CDHR1: variants seen among roughly 807,000 people sequenced by gnomAD.
The protein encoded by CDHR1 is cadherin related family member 1.
Under a neutral mutation model 72.1 loss-of-function variants are expected in CDHR1, and 61 were observed. The observed-to-expected ratio is 0.85, with a 90% confidence interval of 0.69 to 1.05. The LOEUF (loss-of-function observed/expected upper bound fraction) is 1.05, where lower values mean the gene tolerates loss of function less well. Among genes scored for constraint, CDHR1 ranks in the 50% least tolerant of loss-of-function variants. The pLI, the probability that CDHR1 is intolerant of heterozygous loss-of-function variation, is 0.00. For synonymous variants in CDHR1, 470 were observed against 448.1 expected, an observed-to-expected ratio of 1.05 and a Z score of -0.62; for missense variants, 1,186 against 1,115.7, an observed-to-expected ratio of 1.06 and a Z score of -0.90.
At position 84,214,657 on chromosome 10, in the gene CDHR1, C is replaced by G. The variant is rs768404778; in HGVS notation, c.*36C>G. 9.4e-6 allele frequency: 15 copies of G among 1,599,082 alleles called. No individual in the cohort carries two copies. The highest frequency in any genetic ancestry group is 4.5e-5 in the East Asian group (2 of 44,868). On this transcript the variant is annotated 3_prime_UTR_variant, in exon 17 of 17. Coordinates refer to ENST00000623527, the MANE Select transcript of CDHR1 (RefSeq NM_033100.4). ...ATGACCCCCCATCTTTCCTCCGCCCCTGACCCCCACCACCCTGCTGCTCGG... is the reference window on the plus strand; with the variant it reads ...ATGACCCCCCATCTTTCCTCCGCCCGTGACCCCCACCACCCTGCTGCTCGG...
At chr10:84,199,185 T>G in intron 5 of CDHR1, 64 bp downstream of exon 5, 1 of 1,382,192 alleles carries the variant, frequency 7.2e-7, no homozygotes, top group Admixed American at 2.0e-5. Context: ...CCCCTGGGGC[T>G]GCCCTGTGGC....
At chr10:84,197,302 C>T (rs35412535) in intron 3 of CDHR1, among the ~76,000 whole-genome samples, 37,344 of 151,954 alleles carry the variant, frequency 0.25, 5,782 homozygotes, top group Non-Finnish European at 0.35. Flanking sequence ...CTGGCACCCG[C>T]GGGATCTGGC....
At chr10:84,213,062 C>A in intron 15 of CDHR1, 29 bp from the exon 16 acceptor site, 1 of 1,614,178 alleles carries the variant, frequency 6.2e-7, no homozygotes. Context: ...CCCCAAAGCC[C>A]AGCTCTGTCT....
intron 16 of CDHR1, 109 bp downstream of exon 16, chr10:84,213,457 C>T (rs1181020225): frequency 8.2e-6 from 12 of 1,456,222 alleles, no homozygotes; most frequent in Non-Finnish European, 1.1e-5. Context: ...CCAAAAGACA[C>T]TCAACGTTAT....
Position 84,212,308 on chromosome 10 carries a change from G to A in CDHR1, c.1683G>A (p.Glu561=). Residue 561 remains glutamate (E), a synonymous_variant, in exon 15 of 17, where the codon GAG becomes GAA. Transcript: ENST00000623527. ...EDMEGKYSVA[E]VFITLLDVND... ...TGGAAGGCAAGTACAGCGTAGCTGA[G>A]GTGTTTATCACACTGCTGGATGTCA... 6.2e-7 allele frequency: 1 copy of A among 1,614,214 alleles called. No individual in the cohort carries two copies. The highest frequency in any genetic ancestry group is 8.5e-7 in the Non-Finnish European group (1 of 1,180,044).
chr10:84,195,454 C>T, intron 1 of CDHR1, 40 bp from the exon 2 acceptor site: 2 of 1,574,002 alleles, frequency 1.3e-6, no homozygotes, highest in Non-Finnish European at 1.7e-6. Context: ...TCTGGGTGTC[C>T]TTTGCCTGGG....
Position 84,196,644 on chromosome 10 carries a change from C to A in CDHR1, c.291C>A (p.Asp97Glu). Residue 97 changes from aspartate to glutamate, a missense_variant, in exon 3 of 17, where the codon GAC (aspartate) becomes GAA (glutamate). Physicochemically the swap from Asp to Glu is conservative, Grantham distance 45 (BLOSUM62 2). Transcript: ENST00000623527. ...FGNITLVEEL[D>E]REREDEIEAI... The stretch of plus-strand genomic sequence containing the variant: ...ACATCACCCTGGTTGAAGAGCTGGA[C>A]AGAGAGGTATGGGGAGGTGTGGGGA... 1 of 1,614,172 alleles carries A rather than the reference C, an allele frequency of 6.2e-7. No homozygotes were observed. Among genetic ancestry groups the A allele is most frequent in the Non-Finnish European group, 8.5e-7 (1 of 1,180,034 alleles).
At chr10:84,219,390 C>T, downstream of CDHR1, 1 of 1,443,480 alleles carries the variant, frequency 6.9e-7, no homozygotes, top group Non-Finnish European at 9.1e-7. Context: ...CTGGCTCTCC[C>T]CTGCACTGCT....
rs1368132524 is a variant in CDHR1, at chr10:84,216,945, C to T, written c.*2324C>T. The T allele has an allele frequency of 1.0e-6, 1 of 985,364 alleles. No homozygotes were observed. Among genetic ancestry groups the T allele is most frequent in the African/African-American group, 1.7e-5 (1 of 57,236 alleles). 61.0% of individuals were successfully genotyped at this position (985,364 alleles called of 1,614,324 possible). A position where few individuals can be genotyped will look rare whatever the true frequency, so the allele number is the denominator to read the frequency against. On this transcript the variant is annotated 3_prime_UTR_variant, in exon 17 of 17. Transcript: ENST00000623527. ...GTCCTAAAGACCTCTAGGCTGGAAGCTTGGGCTTGCAAGTGGATCCGGGAC... is the reference window on the plus strand; with the variant it reads ...GTCCTAAAGACCTCTAGGCTGGAAGTTTGGGCTTGCAAGTGGATCCGGGAC...
At chr10:84,208,521 C>T (rs935651582) in intron 11 of CDHR1, 144 bp downstream of exon 11, 30 of 1,071,310 alleles carry the variant, frequency 2.8e-5, no homozygotes, top group Non-Finnish European at 3.8e-5. Context: ...GAAGTTGTAA[C>T]CAAGGGGGAG....
rs200640039 is a variant in CDHR1 at position 84,204,566 on chromosome 10, C to G, written c.823C>G (p.Arg275Gly). 2 of 1,613,624 alleles carry G rather than the reference C, an allele frequency of 1.2e-6. No homozygotes were observed. Among genetic ancestry groups the G allele is most frequent in the Non-Finnish European group, 1.7e-6 (2 of 1,179,716 alleles). The change falls in exon 9 of 17, where the codon CGG becomes GGG. Residue 275 changes from arginine to glycine, a missense_variant. By Grantham distance (125) the Arg-to-Gly change is moderately radical. Coordinates refer to ENST00000623527, the MANE Select transcript of CDHR1 (RefSeq NM_033100.4). ...GAAGGTGGTCGCCATGGATGGAGAC[C>G]GGGGCAAACCCAATCGAATTCTCTA... is the stretch of plus-strand genomic sequence containing the variant. ...VLKVVAMDGDRGKPNRILYSL... is the reference protein window; with the variant it reads ...VLKVVAMDGDGGKPNRILYSL...
At position 84,195,819 on chromosome 10, in the gene CDHR1, C is replaced by T. The variant is rs1418314151; in HGVS notation, c.151+230C>T. 4.6e-5 allele frequency among the ~76,000 whole-genome samples: 7 copies of T among 152,216 alleles called. No individual in the cohort carries two copies. In the East Asian group the frequency reaches 5.8e-4, roughly 13 times the overall value. On this transcript the variant is annotated intron_variant, in intron 2 of 16. Transcript: ENST00000623527. ...CTCCCCCCCACAGACAGGGTCGCCC[C>T]GCGAGGCAGGCAGCTACAGCTGCCC...
intron 8 of CDHR1, among the ~76,000 whole-genome samples, chr10:84,203,747 C>G (rs1842174084): frequency 6.6e-6 from 1 of 152,186 alleles, no homozygotes. Flanking sequence ...AAATGAAACA[C>G]TTTTTGAGGA....
In CDHR1 at chr10:84,216,674, C is replaced by G. The variant is rs1842430768; in HGVS notation, c.*2053C>G. The G allele has an allele frequency of 3.0e-6, 3 of 985,446 alleles. No individual in the cohort carries two copies. The highest frequency in any genetic ancestry group is 3.5e-5 in the African/African-American group (2 of 57,362). The allele number at this position is 985,446 out of a possible 1,614,324, so 61.0% of individuals were successfully genotyped here. On this transcript the variant is annotated 3_prime_UTR_variant, in exon 17 of 17. Transcript: ENST00000623527. ...CCCCCAGATGTGACTCTAAAGAAGGCTGAAAATTTTTGTCCAAATTGCCAT... is the reference window on the plus strand; with the variant it reads ...CCCCCAGATGTGACTCTAAAGAAGGGTGAAAATTTTTGTCCAAATTGCCAT...
At chr10:84,206,777 C>T (rs955581869) in intron 10 of CDHR1, among the ~76,000 whole-genome samples, 1 of 152,122 alleles carries the variant, frequency 6.6e-6, no homozygotes, top group Non-Finnish European at 1.5e-5. Context: ...GGTACCAGTC[C>T]CAGCCAGAAT....
In CDHR1 at chr10:84,194,666, T is replaced by G; in HGVS notation, c.-95T>G. On this transcript the variant is annotated 5_prime_UTR_variant, in exon 1 of 17. Coordinates refer to ENST00000623527, the MANE Select transcript of CDHR1 (RefSeq NM_033100.4). ...GCGGCTGCAGTCGCCGCTACCCCCA[T>G]TGTGGTCTCTGCCCTCCCCGCGGGC... 201 of 684,822 alleles carry G rather than the reference T, an allele frequency of 2.9e-4. No homozygotes were observed. Among genetic ancestry groups the G allele is most frequent in the East Asian group, 7.0e-4 (10 of 14,346 alleles). The allele number at this position is 684,822 out of a possible 1,614,324, so 42.4% of individuals were successfully genotyped here.
chr10:84,219,025 A>G, downstream of CDHR1: 7 of 715,798 alleles, frequency 9.8e-6, no homozygotes, highest in East Asian at 8.1e-5. Context: ...GACTGTTATT[A>G]TCCCCATTTT....
chr10:84,214,940 A>ACCCATC lies in CDHR1; in HGVS notation c.*322_*327dup. On this transcript the variant is annotated 3_prime_UTR_variant, in exon 17 of 17. Transcript: ENST00000623527. ...CTGAGAATTGACGAGAAGCCAGCTC[A>ACCCATC]CCCATCCCAGACCTCACAGTCCCTC... 7.8e-7 allele frequency: 1 copy of ACCCATC among 1,284,382 alleles called. No homozygotes were observed. The highest frequency in any genetic ancestry group is 9.9e-7 in the Non-Finnish European group (1 of 1,007,254). 79.6% of individuals were successfully genotyped at this position (1,284,382 alleles called of 1,614,324 possible).
At chr10:84,218,773 C>T (rs1564669006), downstream of CDHR1, 1 of 1,002,590 alleles carries the variant, frequency 1.0e-6, no homozygotes, top group Admixed American at 5.6e-5. Context: ...CATGTTATTA[C>T]ATATATATAT....
Sources: gnomAD v4.1 joint callset for allele counts (sites outside exome capture counted in the v4.1 genomes callset) on GRCh38, gnomAD v4.1.1 for gene constraint, MANE v1.5 for transcripts, NCBI Gene and HGNC (gene_info 2026-07-23, HGNC 2026-07-21) for gene names.